Variants in RBM18 observed in about 807,000 individuals in gnomAD.
The protein encoded by RBM18 is RNA binding motif protein 18.
Under a neutral mutation model 26.4 loss-of-function variants are expected in RBM18, and 18 were observed. That is an observed-to-expected ratio of 0.68 (90% CI 0.47 to 1.01). The LOEUF (loss-of-function observed/expected upper bound fraction) is 1.01. Ranked by LOEUF, RBM18 falls within the 50% of genes least tolerant of loss-of-function variation. The pLI, the probability that RBM18 is intolerant of heterozygous loss-of-function variation, is 0.00. For synonymous variants in RBM18, 74 were observed against 81.1 expected, an observed-to-expected ratio of 0.91 and a Z score of 0.47; for missense variants, 180 against 219.2, an observed-to-expected ratio of 0.82 and a Z score of 1.13.
chr9:122,242,150 T>C, intron 5 of RBM18, 107 bp from the exon 6 acceptor site: 3 of 1,031,504 alleles, frequency 2.9e-6, no homozygotes, highest in Non-Finnish European at 4.2e-6. Flanking sequence ...CGCAACAAGA[T>C]ACTAAATTAC....
In RBM18 at chr9:122,240,826, C is replaced by A. The variant is rs573620450; in HGVS notation, c.*1058G>T. 6.6e-6 allele frequency: 1 copy of A among 152,302 alleles called. No individual in the cohort carries two copies. Among genetic ancestry groups the A allele is most frequent in the South Asian group, 2.1e-4 (1 of 4,822 alleles). 9.4% of individuals were successfully genotyped at this position (152,302 alleles called of 1,614,324 possible). ...TTTAAAACTACCTACCACACAGAGT[C>A]ATTACAGTCTTGGTGCCACAGTGGC... is the stretch of plus-strand genomic sequence containing the variant. On this transcript the variant is annotated 3_prime_UTR_variant, in exon 6 of 6. Coordinates refer to ENST00000417201, the MANE Select transcript of RBM18 (RefSeq NM_033117.4).
At chr9:122,250,195 T>TAAA (rs1831577883) in intron 3 of RBM18, among the ~76,000 whole-genome samples, 1 of 149,492 alleles carries the variant, frequency 6.7e-6, no homozygotes, top group Admixed American at 6.7e-5. Flanking sequence ...TTAGAGGAAA[T>TAAA]AAAAAATACC....
At chr9:122,261,297 C>A in intron 2 of RBM18, 83 bp downstream of exon 2, 1 of 916,878 alleles carries the variant, frequency 1.1e-6, no homozygotes, top group Non-Finnish European at 1.8e-6. Context: ...GTATATCCCA[C>A]ACCCCTTGAA....
At position 122,238,458 on chromosome 9, in the gene RBM18, A is replaced by G. The variant is rs1357655344; in HGVS notation, c.*3426T>C. ...ACTGCCTCTTGATCATTAACATTTG[A>G]GCAGAGACATGAGTCAGGTGAGAGA... is the stretch of plus-strand genomic sequence containing the variant. On this transcript the variant is annotated 3_prime_UTR_variant, in exon 6 of 6. Coordinates refer to ENST00000417201, the MANE Select transcript of RBM18 (RefSeq NM_033117.4). 1 of 152,222 alleles carries G rather than the reference A, an allele frequency of 6.6e-6. No individual in the cohort carries two copies. The highest frequency in any genetic ancestry group is 1.5e-5 in the Non-Finnish European group (1 of 68,052). The allele number at this position is 152,222 out of a possible 1,614,324, so 9.4% of individuals were successfully genotyped here. A position where few individuals can be genotyped will look rare whatever the true frequency, so the allele number is the denominator to read the frequency against.
Position 122,245,294 on chromosome 9 carries a change from C to G in RBM18, c.375G>C (p.Glu125Asp). 1.2e-6 allele frequency: 2 copies of G among 1,611,098 alleles called. No homozygotes were observed. The highest frequency in any genetic ancestry group is 1.7e-6 in the Non-Finnish European group (2 of 1,177,304). ...KNDKILPISL[E>D]PSSSTEPTQS... ...GAGTAGGCTCAGTGCTTGAGGATGG[C>G]TCGAGACTGATTGGAAGAATCTTAT... Residue 125 changes from glutamate to aspartate, a missense_variant, in exon 5 of 6, where the codon GAG becomes GAC. Glu to Asp is a conservative substitution (Grantham distance 45). Coordinates refer to ENST00000417201, the MANE Select transcript of RBM18 (RefSeq NM_033117.4).
chr9:122,245,994 A>G (rs1353186823), intron 4 of RBM18, among the ~76,000 whole-genome samples: 1 of 152,212 alleles, frequency 6.6e-6, no homozygotes, highest in African/African-American at 2.4e-5. Context: ...CCTATCTCAA[A>G]AAACAAAAAA....
intron 5 of RBM18, among the ~76,000 whole-genome samples, chr9:122,244,154 A>G (rs1306868608): frequency 6.7e-6 from 1 of 148,966 alleles, no homozygotes; most frequent in Non-Finnish European, 1.5e-5. Flanking sequence ...AAAAAAAAAA[A>G]TCATATTAAA....
intron 1 of RBM18, among the ~76,000 whole-genome samples, chr9:122,263,505 T>A (rs533738269): frequency 3.3e-5 from 5 of 152,356 alleles, no homozygotes; most frequent in African/African-American, 1.2e-4. Flanking sequence ...CTAGGACTTA[T>A]CCAGTTACTG....
chr9:122,250,846 A>G (rs908096155), intron 3 of RBM18, among the ~76,000 whole-genome samples: 2 of 151,906 alleles, frequency 1.3e-5, no homozygotes, highest in Admixed American at 6.6e-5. Flanking sequence ...TCAGTTATCT[A>G]TATTTTCATC....
At chr9:122,243,696 G>A (rs959683913) in intron 5 of RBM18, 47 of 982,856 alleles carry the variant, frequency 4.8e-5, no homozygotes, top group African/African-American at 4.7e-4. Context: ...ATACATGGGC[G>A]AGAAATTTAA....
chr9:122,260,077 C>T (rs978277702), intron 2 of RBM18, among the ~76,000 whole-genome samples: 3 of 151,976 alleles, frequency 2.0e-5, no homozygotes, highest in African/African-American at 7.2e-5. Context: ...CCTGGCATGG[C>T]GGCTTAAGTC....
intron 2 of RBM18, among the ~76,000 whole-genome samples, chr9:122,259,712 C>T (rs1831755089): frequency 6.6e-6 from 1 of 152,094 alleles, no homozygotes; most frequent in African/African-American, 2.4e-5. Flanking sequence ...CAGGTTTCCT[C>T]ATCTCCTCCC....
intron 3 of RBM18, among the ~76,000 whole-genome samples, chr9:122,250,068 T>TTAAAAAAAAAA (rs777019914): frequency 2.9e-4 from 31 of 107,172 alleles, no homozygotes; most frequent in Non-Finnish European, 4.1e-4. Context: ...AGACCTTATT[T>TTAAAAAAAAAA]AAAAAAAAAA....
At chr9:122,255,867 C>T (rs545154058) in intron 2 of RBM18, among the ~76,000 whole-genome samples, 3 of 152,176 alleles carry the variant, frequency 2.0e-5, no homozygotes, top group South Asian at 2.1e-4. Context: ...AGTGTGGTGG[C>T]ACATGCCTGT....
In RBM18 at chr9:122,261,496, T is replaced by G. The variant is rs1459680741; in HGVS notation, c.-4A>C. On this transcript the variant is annotated 5_prime_UTR_variant, in exon 2 of 6. Coordinates refer to ENST00000417201, the MANE Select transcript of RBM18 (RefSeq NM_033117.4). ...GAGTTTTGGTTTCTGCTTCCATCAA[T>G]GTCTATGAAATACTAAAGGAAATGT... is the stretch of plus-strand genomic sequence containing the variant. The G allele has an allele frequency of 1.9e-6, 3 of 1,596,150 alleles. No homozygotes were observed.
rs1279899493 is a variant in RBM18, at chr9:122,241,248, C to G, written c.*636G>C. ...AAATTTGATTCTAGTTTTGTCAACA[C>G]AAACAATTTTAAGATATACACCATG... On this transcript the variant is annotated 3_prime_UTR_variant, in exon 6 of 6. Coordinates refer to ENST00000417201, the MANE Select transcript of RBM18 (RefSeq NM_033117.4). 6.6e-6 allele frequency: 1 copy of G among 152,134 alleles called. No homozygotes were observed. The highest frequency in any genetic ancestry group is 1.5e-5 in the Non-Finnish European group (1 of 68,026). 9.4% of individuals were successfully genotyped at this position (152,134 alleles called of 1,614,324 possible). A position where few individuals can be genotyped will look rare whatever the true frequency, so the allele number is the denominator to read the frequency against.
At position 122,241,552 on chromosome 9, in the gene RBM18, G is replaced by C. The variant is rs1204169612; in HGVS notation, c.*332C>G. The C allele has an allele frequency of 5.3e-6, 1 of 187,026 alleles. No individual in the cohort carries two copies. Among genetic ancestry groups the C allele is most frequent in the Non-Finnish European group, 1.1e-5 (1 of 91,548 alleles). 11.6% of individuals were successfully genotyped at this position (187,026 alleles called of 1,614,324 possible). On this transcript the variant is annotated 3_prime_UTR_variant, in exon 6 of 6. Transcript: ENST00000417201. ...TAGATGTTAATATTTTTAGTTTCCTGATTTAAATAATATTTTGTGTATTTG... is the reference window on the plus strand; with the variant it reads ...TAGATGTTAATATTTTTAGTTTCCTCATTTAAATAATATTTTGTGTATTTG...
At chr9:122,249,329 A>C (rs1831559787) in intron 3 of RBM18, among the ~76,000 whole-genome samples, 1 of 152,206 alleles carries the variant, frequency 6.6e-6, no homozygotes, top group African/African-American at 2.4e-5. Context: ...TAAATAAAAG[A>C]GCCAGAAATA....
chr9:122,247,743 T>C (rs1831527064), intron 3 of RBM18, 139 bp from the exon 4 acceptor site: 2 of 665,966 alleles, frequency 3.0e-6, no homozygotes, highest in Middle Eastern at 4.0e-4. Context: ...GGGTTTACAA[T>C]TTTACAAGGC....
Sources: gnomAD v4.1 joint callset for allele counts (sites outside exome capture counted in the v4.1 genomes callset) on GRCh38, gnomAD v4.1.1 for gene constraint, MANE v1.5 for transcripts, NCBI Gene and HGNC (gene_info 2026-07-23, HGNC 2026-07-21) for gene names.